The following CACNA1A variants were observed in gnomAD, a reference collection of about 807,000 sequenced individuals.
CACNA1A encodes the protein voltage-dependent P/Q-type calcium channel subunit alpha-1A.
CACNA1A carries 57 observed loss-of-function variants against 262.4 expected under a neutral mutation model. That is an observed-to-expected ratio of 0.22 (90% CI 0.18 to 0.27). The LOEUF (loss-of-function observed/expected upper bound fraction) is 0.27, where lower values mean the gene tolerates loss of function less well. CACNA1A is among the 10% of genes least tolerant of loss of function. The pLI, the probability that CACNA1A is intolerant of heterozygous loss-of-function variation, is 1.00. For synonymous variants in CACNA1A, 1,431 were observed against 1,419.3 expected (o/e 1.01, Z -0.18); for missense variants, 2,526 against 3,562.8 (o/e 0.71, Z 7.41).
At chr19:13,401,361 C>A (rs2059897254) in intron 3 of CACNA1A, among the ~76,000 whole-genome samples, 1 of 152,120 alleles carries the variant, frequency 6.6e-6, no homozygotes, top group Non-Finnish European at 1.5e-5. Flanking sequence ...ATACATGTGA[C>A]CAATAAAGCA....
intron 24 of CACNA1A, among the ~76,000 whole-genome samples, chr19:13,264,877 CT>C (rs33923652): frequency 0.67 from 90,673 of 135,912 alleles, 29,805 homozygotes; most frequent in Middle Eastern, 0.76. Context: ...TCCCTTTAAT[CT>C]TTTTTTTTTT....
chr19:13,491,132 C>T (rs780549600), intron 1 of CACNA1A, among the ~76,000 whole-genome samples: 25 of 152,184 alleles, frequency 1.6e-4, no homozygotes, highest in Admixed American at 1.0e-3. Flanking sequence ...AATGGTTTCC[C>T]GGAGAAAACT....
At chr19:13,504,232 AAT>A (rs1370603586) in intron 1 of CACNA1A, among the ~76,000 whole-genome samples, 3 of 152,164 alleles carry the variant, frequency 2.0e-5, no homozygotes, top group African/African-American at 7.2e-5. Flanking sequence ...TGAGCACTTC[AAT>A]GGGCCTGGGA....
At chr19:13,464,842 C>T (rs2061202334) in intron 1 of CACNA1A, among the ~76,000 whole-genome samples, 2 of 152,092 alleles carry the variant, frequency 1.3e-5, no homozygotes, top group South Asian at 4.1e-4. Flanking sequence ...GCCACTGCGC[C>T]CGGCCAACTT....
At chr19:13,407,103 G>A (rs571247979) in intron 3 of CACNA1A, among the ~76,000 whole-genome samples, 10 of 152,142 alleles carry the variant, frequency 6.6e-5, no homozygotes, top group South Asian at 2.1e-4. Flanking sequence ...CATTTTTCTC[G>A]TCAGTAAAAT....
intron 3 of CACNA1A, among the ~76,000 whole-genome samples, chr19:13,450,135 T>C (rs1287246798): frequency 2.5e-5 from 3 of 117,752 alleles, no homozygotes; most frequent in Non-Finnish European, 4.9e-5. Context: ...AGGGAGACTC[T>C]TGTCAAAAAA....
At chr19:13,219,797 CA>C (rs2055153730) in intron 38 of CACNA1A, among the ~76,000 whole-genome samples, 1 of 151,638 alleles carries the variant, frequency 6.6e-6, no homozygotes, top group African/African-American at 2.4e-5. Context: ...ACTAAAAATA[CA>C]AAAAATTATC....
intron 11 of CACNA1A, chr19:13,316,852 C>CT (rs1158873885): frequency 1.1e-5 from 4 of 373,406 alleles, no homozygotes; most frequent in Non-Finnish European, 1.9e-5. Context: ...ACCCCTCTGT[C>CT]CCTCTCTCTT....
chr19:13,251,093 C>T (rs1275690370), intron 30 of CACNA1A, among the ~76,000 whole-genome samples: 3 of 145,872 alleles, frequency 2.1e-5, no homozygotes, highest in South Asian at 4.3e-4. Flanking sequence ...GATTGTGCCA[C>T]GGTACTCCAG....
At chr19:13,296,279 T>C (rs183962762) in intron 19 of CACNA1A, among the ~76,000 whole-genome samples, 1 of 152,180 alleles carries the variant, frequency 6.6e-6, no homozygotes, top group African/African-American at 2.4e-5. Context: ...AGTGCTGGCC[T>C]ACCTCATATG....
chr19:13,346,613 T>G (rs1193816778), intron 6 of CACNA1A, among the ~76,000 whole-genome samples: 4 of 95,354 alleles, frequency 4.2e-5, no homozygotes, highest in Non-Finnish European at 8.0e-5. Flanking sequence ...AATTTTTAAT[T>G]GATTATATAT....
At chr19:13,230,483 G>T (rs1461997287) in intron 35 of CACNA1A, among the ~76,000 whole-genome samples, 1 of 152,100 alleles carries the variant, frequency 6.6e-6, no homozygotes, top group Non-Finnish European at 1.5e-5. Flanking sequence ...GAGAGAAACA[G>T]AGAGAGATGG....
chr19:13,297,958 G>A (rs562591944), intron 19 of CACNA1A, among the ~76,000 whole-genome samples: 140 of 152,090 alleles, frequency 9.2e-4, no homozygotes, highest in South Asian at 1.5e-3. Context: ...AGCCTCCTGA[G>A]TAGTGGGAAT....
chr19:13,440,649 C>T (rs778467358), intron 3 of CACNA1A, among the ~76,000 whole-genome samples: 1 of 152,174 alleles, frequency 6.6e-6, no homozygotes, highest in Non-Finnish European at 1.5e-5. Flanking sequence ...TATTCCCATT[C>T]CACAGATGAG....
intron 24 of CACNA1A, among the ~76,000 whole-genome samples, chr19:13,263,725 T>C (rs2056795063): frequency 6.6e-6 from 1 of 152,040 alleles, no homozygotes; most frequent in Non-Finnish European, 1.5e-5. Context: ...TTCACCATGT[T>C]GGCCAGGCTG....
intron 3 of CACNA1A, among the ~76,000 whole-genome samples, chr19:13,424,264 G>A (rs566597636): frequency 6.6e-6 from 1 of 152,178 alleles, no homozygotes; most frequent in East Asian, 1.9e-4. Flanking sequence ...AGCTACTCAG[G>A]AGGCTGAAGT....
At chr19:13,210,365 G>A (rs908771246) in intron 44 of CACNA1A, among the ~76,000 whole-genome samples, 2 of 152,242 alleles carry the variant, frequency 1.3e-5, no homozygotes, top group Admixed American at 6.5e-5. Flanking sequence ...AGTGTCCTCC[G>A]GCGTGGGGGG....
In CACNA1A at chr19:13,214,705, C is replaced by G; in HGVS notation, c.5732-97G>C. 1 of 933,130 alleles carries G rather than the reference C, an allele frequency of 1.1e-6. No individual in the cohort carries two copies. The highest frequency in any genetic ancestry group is 1.7e-6 in the Non-Finnish European group (1 of 595,762). The allele number at this position is 933,130 out of a possible 1,614,324, so 57.8% of individuals were successfully genotyped here. On this transcript the variant is annotated intron_variant, in intron 38 of 46. Coordinates refer to ENST00000360228, the MANE Select transcript of CACNA1A (RefSeq NM_001127222.2). This position sits in a 1 kb window ranked among gnomAD's most constrained non-coding sequence, Gnocchi z 4.1. ...CCATAGGCTCCCGAGAACGAGACCC[C>G]AATCTTTCTGGTCCCCATGGGGTCT...
At chr19:13,418,572 G>C (rs1223804502) in intron 3 of CACNA1A, among the ~76,000 whole-genome samples, 1 of 152,170 alleles carries the variant, frequency 6.6e-6, no homozygotes, top group African/African-American at 2.4e-5. Flanking sequence ...CACAGCAGAA[G>C]AGGGAACTTT....
Sources: allele counts gnomAD v4.1 joint callset (sites outside exome capture counted in the v4.1 genomes callset), GRCh38; gene constraint gnomAD v4.1.1; non-coding constraint Gnocchi (gnomAD v3.1); transcripts MANE v1.5; gene names NCBI Gene and HGNC (gene_info 2026-07-23, HGNC 2026-07-21).